The following CDKL5 variants were observed in gnomAD, a reference collection of about 807,000 sequenced individuals.
CDKL5 encodes the protein cyclin-dependent kinase-like 5.
Under a neutral mutation model 61.7 loss-of-function variants are expected in CDKL5, and 8 were observed. The ratio of observed to expected loss-of-function variants is 0.13; its 90% CI spans 0.08 to 0.23. CDKL5 has a LOEUF of 0.23. Ranked by LOEUF, CDKL5 falls within the 10% of genes least tolerant of loss-of-function variation. The pLI is 1.00. For missense variants in CDKL5, 440 were observed against 734.5 expected (o/e 0.60, Z 4.63); for synonymous variants, 275 against 272.3 (o/e 1.01, Z -0.10).
At chrX:18,474,246 CTT>C (rs973928276) in intron 1 of CDKL5, among the ~76,000 whole-genome samples, 4 of 111,437 alleles carry the variant, frequency 3.6e-5, no homozygotes, top group African/African-American at 1.3e-4. Context: ...TTAGTCTAGA[CTT>C]TCTTCATTTT....
At chrX:18,431,709 G>A (rs771650377) in intron 1 of CDKL5, among the ~76,000 whole-genome samples, 7 of 110,618 alleles carry the variant, frequency 6.3e-5, no homozygotes, top group African/African-American at 2.0e-4. Flanking sequence ...ACAAAATTTT[G>A]TTGATTTCTT....
rs922608757 is a variant in CDKL5 at position 18,633,542 on chromosome X, A to T, written c.*4785A>T. The T allele has an allele frequency of 4.0e-6, 3 of 754,401 alleles. No individual in the cohort carries two copies. The South Asian group carries it at 2.0e-4, about 51-fold the overall frequency. 62.2% of individuals were successfully genotyped at this position (754,401 alleles called of 1,213,427 possible). A position where few individuals can be genotyped will look rare whatever the true frequency, so the allele number is the denominator to read the frequency against. ...TTCTTGACCAGCTGAGATACAGAAT[A>T]TCTTGAGGTCTGGTTCAGCTGATGA... On this transcript the variant is annotated 3_prime_UTR_variant, in exon 18 of 18. Coordinates refer to ENST00000623535, the MANE Select transcript of CDKL5 (RefSeq NM_001323289.2).
intron 4 of CDKL5, among the ~76,000 whole-genome samples, chrX:18,567,585 C>T (rs1041812091): frequency 2.7e-5 from 3 of 111,658 alleles, no homozygotes; most frequent in East Asian, 2.8e-4. Flanking sequence ...AAAATTGTTA[C>T]GTACAAAATG....
chrX:18,509,197 G>GCACACGCGCGCACA lies in CDKL5; in HGVS notation c.65-1618_65-1617insGCGCGCACACACAC, dbSNP rs1555940192. Among the ~76,000 whole-genome samples the GCACACGCGCGCACA allele has an allele frequency of 6.2e-5, 4 of 64,314 alleles. 1 individual carries two copies. Among genetic ancestry groups the GCACACGCGCGCACA allele is most frequent in the African/African-American group, 2.4e-4 (4 of 16,911 alleles). 55.8% of individuals were successfully genotyped at this position (64,314 alleles called of 115,157 possible). On this transcript the variant is annotated intron_variant, in intron 2 of 17. Coordinates refer to ENST00000623535, the MANE Select transcript of CDKL5 (RefSeq NM_001323289.2). ...AGAGAGCGAGACTGTCTCAAAACACGCACACACACACACACACACACACAC... is the reference window on the plus strand; with the variant it reads ...AGAGAGCGAGACTGTCTCAAAACACGCACACGCGCGCACACACACACACACACACACACACACAC...
chrX:18,585,805 C>T (rs1347159405), intron 8 of CDKL5, among the ~76,000 whole-genome samples: 3 of 111,685 alleles, frequency 2.7e-5, no homozygotes, highest in Non-Finnish European at 5.6e-5. Flanking sequence ...ATGACAAGTG[C>T]GCAAATTGTA....
chrX:18,466,806 C>T (rs1920965143), intron 1 of CDKL5, among the ~76,000 whole-genome samples: 1 of 111,974 alleles, frequency 8.9e-6, no homozygotes, highest in African/African-American at 3.2e-5. Context: ...AGCCACCATG[C>T]CTGGCTCATT....
At chrX:18,640,644 G>T (rs915534896), downstream of CDKL5, 2 of 112,134 alleles carry the variant, frequency 1.8e-5, no homozygotes, top group African/African-American at 6.5e-5. Flanking sequence ...TGAATGTGTT[G>T]TCCAGCACTG....
intron 1 of CDKL5, among the ~76,000 whole-genome samples, chrX:18,427,329 G>C (rs1340038799): frequency 9.6e-5 from 10 of 104,437 alleles, no homozygotes; most frequent in African/African-American, 3.5e-4. Context: ...GCGGGGGTTG[G>C]GGGGGAGGTG....
At chrX:18,560,776 TACACACAC>T (rs57724882) in intron 3 of CDKL5, among the ~76,000 whole-genome samples, 3 of 104,239 alleles carry the variant, frequency 2.9e-5, no homozygotes, top group Admixed American at 2.1e-4. Flanking sequence ...ATTCAAAAAA[TACACACAC>T]ACACACACAC....
intron 1 of CDKL5, among the ~76,000 whole-genome samples, chrX:18,471,783 AG>A (rs1237989416): frequency 9.0e-6 from 1 of 111,516 alleles, no homozygotes; most frequent in Non-Finnish European, 1.9e-5. Context: ...TCTGCCACCC[AG>A]GCTGGAGTGC....
intron 20 of CDKL5, chrX:18,650,358 C>T: frequency 7.8e-6 from 9 of 1,151,503 alleles, no homozygotes; most frequent in Non-Finnish European, 1.1e-5. Flanking sequence ...GGAGCCGATG[C>T]CTGCCTCCCG....
chrX:18,525,026 A>T (rs1923379386), intron 3 of CDKL5, among the ~76,000 whole-genome samples: 1 of 111,433 alleles, frequency 9.0e-6, no homozygotes, highest in African/African-American at 3.3e-5. Context: ...GGGCTCAAGT[A>T]ATCCTCCCAT....
At position 18,637,614 on chromosome X, in the gene CDKL5, G is replaced by A. The variant is rs1927431147; in HGVS notation, c.*8857G>A. 1 of 110,543 alleles carries A rather than the reference G, an allele frequency of 9.0e-6. No individual in the cohort carries two copies. Among genetic ancestry groups the A allele is most frequent in the African/African-American group, 3.3e-5 (1 of 30,318 alleles). 9.1% of individuals were successfully genotyped at this position (110,543 alleles called of 1,213,427 possible). A position where few individuals can be genotyped will look rare whatever the true frequency, so the allele number is the denominator to read the frequency against. On this transcript the variant is annotated 3_prime_UTR_variant, in exon 18 of 18. Transcript: ENST00000623535. Reference sequence around the variant, plus strand: ...GGATATAGAGTCCGCTTGCCTGGGTGGAGTCTTGGCTCCATCTCCTACATC... The same window carrying A: ...GGATATAGAGTCCGCTTGCCTGGGTAGAGTCTTGGCTCCATCTCCTACATC...
chrX:18,479,468 C>T (rs1269387528), intron 1 of CDKL5, among the ~76,000 whole-genome samples: 1 of 108,006 alleles, frequency 9.3e-6, no homozygotes. Context: ...TACAGGCACC[C>T]GCCACCATGC....
chrX:18,640,287 G>A (rs1927519213), downstream of CDKL5: 2 of 110,579 alleles, frequency 1.8e-5, no homozygotes, highest in Admixed American at 1.9e-4. Context: ...TGTTTGATGT[G>A]CCTTAACTCT....
At chrX:18,433,940 G>A (rs906326673) in intron 1 of CDKL5, among the ~76,000 whole-genome samples, 10 of 112,419 alleles carry the variant, frequency 8.9e-5, no homozygotes, top group African/African-American at 2.9e-4. Context: ...TGCGCGTGTC[G>A]TAGAGCAGGC....
intron 5 of CDKL5, among the ~76,000 whole-genome samples, chrX:18,578,589 TAAC>T (rs1465305600): frequency 5.3e-5 from 6 of 112,630 alleles, no homozygotes; most frequent in African/African-American, 1.6e-4. Flanking sequence ...CATTTTAAAA[TAAC>T]AATAAACGTA....
chrX:18,620,429 T>C (rs1169328559), intron 16 of CDKL5, among the ~76,000 whole-genome samples: 1 of 112,324 alleles, frequency 8.9e-6, no homozygotes, highest in African/African-American at 3.2e-5. Context: ...CTGAGTTATA[T>C]AGTCACAAAG....
At chrX:18,611,408 C>A (rs5955503) in intron 14 of CDKL5, among the ~76,000 whole-genome samples, 1 of 103,226 alleles carries the variant, frequency 9.7e-6, no homozygotes, top group African/African-American at 3.6e-5. Flanking sequence ...GCACCCCAGC[C>A]TAGGCGACAG....
Sources: gnomAD v4.1 joint callset for allele counts (sites outside exome capture counted in the v4.1 genomes callset) on GRCh38, gnomAD v4.1.1 for gene constraint, MANE v1.5 for transcripts, NCBI Gene and HGNC (gene_info 2026-07-23, HGNC 2026-07-21) for gene names.